Variants in NME7 observed in about 807,000 individuals in gnomAD.
NME7 encodes nucleoside diphosphate kinase 7.
Under a neutral mutation model 49.1 loss-of-function variants are expected in NME7, and 41 were observed. The observed-to-expected ratio is 0.83, with a 90% CI of 0.65 to 1.08. The LOEUF (loss-of-function observed/expected upper bound fraction) is 1.08, where lower values mean the gene tolerates loss of function less well. Among genes scored for constraint, NME7 ranks in the 50% least tolerant of loss-of-function variants. The probability of loss-of-function intolerance (pLI) is 0.00; values close to 1 mark genes in which losing one functional copy is unlikely to be tolerated. For missense variants in NME7, 423 were observed against 463.4 expected, an observed-to-expected ratio of 0.91 and a Z score of 0.80; for synonymous variants, 139 against 150.6, an observed-to-expected ratio of 0.92 and a Z score of 0.56.
At chr1:169,206,246 T>C (rs1172937451) in intron 10 of NME7, among the ~76,000 whole-genome samples, 2 of 152,204 alleles carry the variant, frequency 1.3e-5, no homozygotes, top group Admixed American at 1.3e-4. Context: ...ACTGTATTTC[T>C]ACTGTATCTA....
At chr1:169,156,403 G>C (rs1218237250) in intron 11 of NME7, among the ~76,000 whole-genome samples, 1 of 152,100 alleles carries the variant, frequency 6.6e-6, no homozygotes, top group African/African-American at 2.4e-5. Context: ...GATGCAAAAA[G>C]TGCTGAGACA....
At position 169,356,685 on chromosome 1, in the gene NME7, A is replaced by G. The variant is rs187695459; in HGVS notation, c.3+11023T>C. On this transcript the variant is annotated intron_variant, in intron 1 of 11. Coordinates refer to ENST00000367811, the MANE Select transcript of NME7 (RefSeq NM_013330.5). ...GTCAATGAACAAAAATGTTTAAAAG[A>G]AAGTGGGGTAGGGGGCAGCATCTGT... 1.5e-4 allele frequency among the ~76,000 whole-genome samples: 23 copies of G among 152,266 alleles called. 1 individual carries two copies. The East Asian group carries it at 3.7e-3, about 24-fold the overall frequency.
chr1:169,186,310 T>C (rs556548605), intron 10 of NME7, among the ~76,000 whole-genome samples: 2 of 152,130 alleles, frequency 1.3e-5, no homozygotes, highest in Non-Finnish European at 2.9e-5. Flanking sequence ...CTAGACACTA[T>C]TTTGCAACTT....
At position 169,200,866 on chromosome 1, in the gene NME7, A is replaced by C. The variant is rs369523894; in HGVS notation, c.990+29852T>G. The stretch of plus-strand genomic sequence containing the variant: ...CACTGTCCTCTTGGGGATTGTAGCT[A>C]TCTTTTCAATGGCAATCATCTGATG... On this transcript the variant is annotated intron_variant, in intron 10 of 11. Coordinates refer to ENST00000367811, the MANE Select transcript of NME7 (RefSeq NM_013330.5). 3.3e-5 allele frequency among the ~76,000 whole-genome samples: 5 copies of C among 152,232 alleles called. No individual in the cohort carries two copies. The South Asian group carries it at 1.0e-3, about 32-fold the overall frequency.
At chr1:169,323,622 A>G (rs1171025747) in intron 2 of NME7, among the ~76,000 whole-genome samples, 1 of 152,184 alleles carries the variant, frequency 6.6e-6, no homozygotes, top group African/African-American at 2.4e-5. Context: ...TTGTGTACAC[A>G]AAATCCCAAT....
chr1:169,258,407 C>A (rs1476064), intron 7 of NME7, among the ~76,000 whole-genome samples: 1 of 60,454 alleles, frequency 1.7e-5, no homozygotes, highest in African/African-American at 6.3e-5. Flanking sequence ...TATATATATA[C>A]ACACACACAC....
In NME7 at chr1:169,279,771, C is replaced by T. The variant is rs1649926471; in HGVS notation, c.754+7532G>A. 5.3e-5 allele frequency among the ~76,000 whole-genome samples: 8 copies of T among 152,242 alleles called. No homozygotes were observed. The South Asian group carries it at 1.7e-3, about 31-fold the overall frequency. ...AGATGGAAATGCAGAAATCACCCATCTTCTGTGTCACTCACACTGGGAGCT... is the reference window on the plus strand; with the variant it reads ...AGATGGAAATGCAGAAATCACCCATTTTCTGTGTCACTCACACTGGGAGCT... On this transcript the variant is annotated intron_variant, in intron 7 of 11. Coordinates refer to ENST00000367811, the MANE Select transcript of NME7 (RefSeq NM_013330.5).
intron 1 of NME7, among the ~76,000 whole-genome samples, chr1:169,350,457 C>A (rs1464055593): frequency 6.6e-6 from 1 of 151,954 alleles, no homozygotes; most frequent in Non-Finnish European, 1.5e-5. Context: ...ACAGCCTGTG[C>A]AAAACGCAGA....
intron 4 of NME7, among the ~76,000 whole-genome samples, chr1:169,306,488 G>C (rs994696029): frequency 6.6e-6 from 1 of 152,104 alleles, no homozygotes; most frequent in Non-Finnish European, 1.5e-5. Flanking sequence ...GGCTGCAATA[G>C]GAATTATAAG....
At chr1:169,168,903 T>C (rs1351897384) in intron 11 of NME7, 1 of 456,380 alleles carries the variant, frequency 2.2e-6, no homozygotes, top group Non-Finnish European at 4.4e-6. Flanking sequence ...TTCTAATATA[T>C]TTATTGAACA....
At chr1:169,173,831 T>A in intron 10 of NME7, among the ~76,000 whole-genome samples, 1 of 152,154 alleles carries the variant, frequency 6.6e-6, no homozygotes, top group East Asian at 1.9e-4. Flanking sequence ...AATTATGAGA[T>A]CATAAAAGCA....
At chr1:169,185,842 T>C (rs770946049) in intron 10 of NME7, among the ~76,000 whole-genome samples, 2 of 152,148 alleles carry the variant, frequency 1.3e-5, no homozygotes, top group Non-Finnish European at 2.9e-5. Context: ...TAGTTGTGAA[T>C]GTCTCTTCCT....
chr1:169,314,809 G>C (rs1468930636), intron 3 of NME7, among the ~76,000 whole-genome samples: 2 of 151,504 alleles, frequency 1.3e-5, no homozygotes, highest in African/African-American at 4.9e-5. Context: ...ACTAATGAAA[G>C]GCACACATAG....
intron 10 of NME7, among the ~76,000 whole-genome samples, chr1:169,226,601 G>C (rs181065229): frequency 9.2e-4 from 140 of 152,296 alleles, no homozygotes; most frequent in African/African-American, 3.3e-3. Context: ...CTTAGAAACA[G>C]AATGTAACTC....
intron 1 of NME7, among the ~76,000 whole-genome samples, chr1:169,342,113 T>C (rs1371640929): frequency 1.3e-5 from 2 of 152,134 alleles, no homozygotes; most frequent in African/African-American, 2.4e-5. Context: ...TTTGGCTCTG[T>C]ATCCCCACCC....
intron 2 of NME7, 110 bp from the exon 3 acceptor site, chr1:169,323,393 G>T: frequency 2.4e-6 from 2 of 833,662 alleles, no homozygotes; most frequent in South Asian, 4.0e-5. Context: ...ATCAAAGATA[G>T]GTTATATTCT....
In NME7 at chr1:169,257,739, C is replaced by G. The variant is rs139427968; in HGVS notation, c.755-20052G>C. ...AGAGCTGGTCTAGTAGTAACAAATT[C>G]TCTCAGCATTTGTTTGTCTGAAAAT... On this transcript the variant is annotated intron_variant, in intron 7 of 11. Transcript: ENST00000367811. Among the ~76,000 whole-genome samples, 368 of 134,476 alleles carry G rather than the reference C, an allele frequency of 2.7e-3. 36 individuals carry two copies. The highest frequency in any genetic ancestry group is 8.3e-3 in the African/African-American group (332 of 39,776). The allele number at this position is 134,476 out of a possible 152,430, so 88.2% of individuals were successfully genotyped here.
intron 10 of NME7, among the ~76,000 whole-genome samples, chr1:169,182,161 C>G (rs1659946238): frequency 7.9e-6 from 1 of 126,310 alleles, no homozygotes; most frequent in South Asian, 3.0e-4. Flanking sequence ...CATGCCACCA[C>G]AACTAGCTAA....
At chr1:169,257,542 G>A (rs1649005718) in intron 7 of NME7, among the ~76,000 whole-genome samples, 1 of 133,992 alleles carries the variant, frequency 7.5e-6, no homozygotes, top group Non-Finnish European at 1.8e-5. Context: ...GCTCACGCTG[G>A]GAGCTGTAGA....
Sources: allele counts gnomAD v4.1 joint callset (sites outside exome capture counted in the v4.1 genomes callset), GRCh38; gene constraint gnomAD v4.1.1; transcripts MANE v1.5; gene names NCBI Gene and HGNC (gene_info 2026-07-23, HGNC 2026-07-21).